The following ATP6V1E2 variants were observed in gnomAD, a reference collection of about 807,000 sequenced individuals.
ATP6V1E2 encodes the protein V-type proton ATPase subunit E 2.
For synonymous variants in ATP6V1E2, 121 were observed against 104.2 expected (o/e 1.16, Z -0.98); for missense variants, 308 against 273.3 (o/e 1.13, Z -0.90).
chr2:46,540,613 CTTTT>C (rs59810518), intron 2 of ATP6V1E2, among the ~76,000 whole-genome samples: 2 of 115,616 alleles, frequency 1.7e-5, no homozygotes, highest in African/African-American at 3.4e-5. Context: ...TTTTCTGTAA[CTTTT>C]TTTTTTTTTT....
Position 46,512,313 on chromosome 2 carries a change from A to G in ATP6V1E2, c.399T>C (p.Ile133=). The change falls in exon 5 of 5, where the codon ATT becomes ATC. Residue 133 remains isoleucine (I), a synonymous_variant. Coordinates refer to ENST00000522587, the MANE Select transcript of ATP6V1E2 (RefSeq NM_001318063.2). ...GGAGGTCTTGTGGCCGGCAGCGTACAATCATCACAGGTTCCAGCAGTCGGA... is the reference window on the plus strand; with the variant it reads ...GGAGGTCTTGTGGCCGGCAGCGTACGATCATCACAGGTTCCAGCAGTCGGA... ...GLLRLLEPVM[I]VRCRPQDLLL... 1 of 1,612,170 alleles carries G rather than the reference A, an allele frequency of 6.2e-7. No homozygotes were observed. The highest frequency in any genetic ancestry group is 1.3e-5 in the African/African-American group (1 of 74,930).
At chr2:46,524,518 G>C (rs1350606440) in intron 4 of ATP6V1E2, among the ~76,000 whole-genome samples, 9 of 152,188 alleles carry the variant, frequency 5.9e-5, no homozygotes, top group Non-Finnish European at 2.9e-5. Flanking sequence ...GCAATGCCTT[G>C]TGGTTTCAGA....
chr2:46,517,276 T>C (rs1687754401), intron 4 of ATP6V1E2, among the ~76,000 whole-genome samples: 1 of 152,106 alleles, frequency 6.6e-6, no homozygotes, highest in African/African-American at 2.4e-5. Flanking sequence ...AAACTAGATA[T>C]CCACATGCAA....
chr2:46,538,227 C>G (rs1482007062), intron 2 of ATP6V1E2, among the ~76,000 whole-genome samples: 1 of 152,154 alleles, frequency 6.6e-6, no homozygotes, highest in Non-Finnish European at 1.5e-5. Flanking sequence ...AATCCATTTT[C>G]TATGAGTCTC....
At chr2:46,526,223 C>G (rs1182620793) in intron 4 of ATP6V1E2, among the ~76,000 whole-genome samples, 1 of 152,062 alleles carries the variant, frequency 6.6e-6, no homozygotes, top group East Asian at 1.9e-4. Context: ...TCAAGTAATT[C>G]TTGTGCCTCA....
At chr2:46,533,107 T>C (rs1024820821) in intron 4 of ATP6V1E2, among the ~76,000 whole-genome samples, 2 of 148,636 alleles carry the variant, frequency 1.3e-5, no homozygotes, top group African/African-American at 4.9e-5. Context: ...ATATCTAACA[T>C]TATATTATAT....
At chr2:46,541,550 C>G (rs1411967322) in intron 1 of ATP6V1E2, 97 bp from the exon 2 acceptor site, 1 of 152,228 alleles carries the variant, frequency 6.6e-6, no homozygotes, top group Non-Finnish European at 1.5e-5. Flanking sequence ...TTGGGACAAC[C>G]GCTTCACCTT....
chr2:46,527,070 T>C (rs1051336184), intron 4 of ATP6V1E2, among the ~76,000 whole-genome samples: 7 of 152,176 alleles, frequency 4.6e-5, no homozygotes, highest in African/African-American at 1.7e-4. Context: ...GTTTTTTTTC[T>C]TTCTTTTGTG....
chr2:46,540,433 T>C (rs1332596984), intron 2 of ATP6V1E2, among the ~76,000 whole-genome samples: 1 of 28,238 alleles, frequency 3.5e-5, no homozygotes, highest in Non-Finnish European at 5.8e-5. Context: ...CAAGACCCTA[T>C]CTCAAAAAAA....
At chr2:46,521,070 G>A (rs1427081336) in intron 4 of ATP6V1E2, among the ~76,000 whole-genome samples, 12 of 152,168 alleles carry the variant, frequency 7.9e-5, no homozygotes, top group African/African-American at 1.9e-4. Flanking sequence ...ATCTGTGGGC[G>A]TGGGAAAGGT....
chr2:46,537,963 G>C (rs760579395), intron 2 of ATP6V1E2, among the ~76,000 whole-genome samples: 1 of 152,028 alleles, frequency 6.6e-6, no homozygotes, highest in Non-Finnish European at 1.5e-5. Context: ...GATAACAACA[G>C]AGGACATTAA....
At chr2:46,513,826 AAAC>A (rs982403016) in intron 4 of ATP6V1E2, among the ~76,000 whole-genome samples, 7 of 152,110 alleles carry the variant, frequency 4.6e-5, no homozygotes, top group East Asian at 1.9e-4. Context: ...TCCATTTCAA[AAAC>A]AACAACAACA....
In ATP6V1E2 at chr2:46,512,532, C is replaced by T; in HGVS notation, c.180G>A (p.Lys60=). The change falls in exon 5 of 5, where the codon AAG becomes AAA. Residue 60 remains lysine (K), a synonymous_variant. Coordinates refer to ENST00000522587, the MANE Select transcript of ATP6V1E2 (RefSeq NM_001318063.2). ...RLKIMEYYEK[K]EKQIEQQKKI... ...TCTTCTGCTGCTCTATCTGCTTCTC[C>T]TTTTTCTCATAATACTCCATAATCT... 6.2e-7 allele frequency: 1 copy of T among 1,614,188 alleles called. No individual in the cohort carries two copies. The highest frequency in any genetic ancestry group is 1.1e-5 in the South Asian group (1 of 91,076).
intron 1 of ATP6V1E2, 94 bp downstream of exon 1, chr2:46,542,123 G>C (rs1030198930): frequency 6.6e-6 from 1 of 151,916 alleles, no homozygotes; most frequent in African/African-American, 2.4e-5. Context: ...TGGTGGTGGT[G>C]GGGGGGACCA....
intron 4 of ATP6V1E2, among the ~76,000 whole-genome samples, chr2:46,525,246 G>A (rs987963226): frequency 1.3e-5 from 2 of 151,720 alleles, no homozygotes; most frequent in Non-Finnish European, 2.9e-5. Flanking sequence ...AGGCCGAGGC[G>A]GGCGGATCAC....
At chr2:46,529,703 C>T (rs1173251045) in intron 4 of ATP6V1E2, among the ~76,000 whole-genome samples, 1 of 152,072 alleles carries the variant, frequency 6.6e-6, no homozygotes, top group Non-Finnish European at 1.5e-5. Context: ...CTGCAGTGAG[C>T]CGTGATTGTG....
In ATP6V1E2 at chr2:46,513,336, C is replaced by T. The variant is rs73927872; in HGVS notation, c.-101-524G>A. ...AGATGAGACTTGCTTTGTAACCTAACATGAGATTCATCCTAAAGAATGTTC... is the reference window on the plus strand; with the variant it reads ...AGATGAGACTTGCTTTGTAACCTAATATGAGATTCATCCTAAAGAATGTTC... On this transcript the variant is annotated intron_variant, in intron 4 of 4. Transcript: ENST00000522587. Among the ~76,000 whole-genome samples the T allele has an allele frequency of 2.6e-3, 393 of 152,300 alleles. 3 individuals carry two copies. The highest frequency in any genetic ancestry group is 9.0e-3 in the African/African-American group (375 of 41,560).
At chr2:46,525,433 G>T (rs1473685529) in intron 4 of ATP6V1E2, among the ~76,000 whole-genome samples, 1 of 140,670 alleles carries the variant, frequency 7.1e-6, no homozygotes, top group Non-Finnish European at 1.5e-5. Context: ...CAGCACTCCC[G>T]CCTGGGCGAC....
Position 46,511,930 on chromosome 2 carries a change from T to A in ATP6V1E2, c.*101A>T, listed in dbSNP as rs1687474111. 2.8e-6 allele frequency: 3 copies of A among 1,064,844 alleles called. No individual in the cohort carries two copies. The highest frequency in any genetic ancestry group is 4.0e-6 in the Non-Finnish European group (3 of 742,426). The allele number at this position is 1,064,844 out of a possible 1,614,324, so 66.0% of individuals were successfully genotyped here. ...TTTCGTGAAGAAAAACAGAACAGTA[T>A]CAGAGCATCAAAGAGGAGGAAACAC... On this transcript the variant is annotated 3_prime_UTR_variant, in exon 5 of 5. Transcript: ENST00000522587.
Sources: gnomAD v4.1 joint callset for allele counts (sites outside exome capture counted in the v4.1 genomes callset) on GRCh38, gnomAD v4.1.1 for gene constraint, MANE v1.5 for transcripts, NCBI Gene and HGNC (gene_info 2026-07-23, HGNC 2026-07-21) for gene names.